ERC1: variants seen among roughly 807,000 people sequenced by gnomAD.
ERC1 encodes the protein ELKS/RAB6-interacting/CAST family member 1.
A neutral mutation model predicts 132.0 loss-of-function variants in ERC1; 56 were observed. That is an observed-to-expected ratio of 0.42 (90% CI 0.34 to 0.53). The LOEUF is 0.53. Among genes scored for constraint, ERC1 ranks in the 20% least tolerant of loss-of-function variants. The pLI is 0.03. For missense variants in ERC1, 1,202 were observed against 1,349.9 expected (o/e 0.89, Z 1.72); for synonymous variants, 478 against 476.1 (o/e 1.00, Z -0.05).
intron 2 of ERC1, among the ~76,000 whole-genome samples, chr12:1,047,434 A>T (rs1333901586): frequency 6.6e-6 from 1 of 151,034 alleles, no homozygotes; most frequent in Non-Finnish European, 1.5e-5. Flanking sequence ...CCGAAAGAAG[A>T]ATTACATTAC....
chr12:1,355,248 C>A (rs1441508907), intron 15 of ERC1, among the ~76,000 whole-genome samples: 2 of 152,066 alleles, frequency 1.3e-5, no homozygotes, highest in Admixed American at 6.6e-5. Flanking sequence ...CTTTGAATTT[C>A]ATATAATTTT....
chr12:1,126,774 G>A (rs146564020), intron 7 of ERC1, among the ~76,000 whole-genome samples: 8 of 152,064 alleles, frequency 5.3e-5, no homozygotes, highest in African/African-American at 1.2e-4. Context: ...CGGATCATGA[G>A]GTCAAGAGAT....
intron 6 of ERC1, among the ~76,000 whole-genome samples, chr12:1,114,084 C>T (rs1458505095): frequency 1.3e-5 from 2 of 151,804 alleles, no homozygotes; most frequent in African/African-American, 2.4e-5. Context: ...AGTGCAGTGG[C>T]GAGATCTCGG....
chr12:1,349,987 T>C (rs2084856035), intron 15 of ERC1, among the ~76,000 whole-genome samples: 1 of 152,208 alleles, frequency 6.6e-6, no homozygotes, highest in Non-Finnish European at 1.5e-5. Flanking sequence ...CTGTTCCTTA[T>C]TGAGGAGGGA....
intron 16 of ERC1, among the ~76,000 whole-genome samples, chr12:1,383,188 C>T (rs11061737): frequency 0.52 from 79,158 of 151,990 alleles, 23,825 homozygotes; most frequent in African/African-American, 0.84. Flanking sequence ...ATTGTCTCAA[C>T]GCAGATAAAT....
Position 1,289,838 on chromosome 12 carries a change from C to T in ERC1, c.2620-14C>T. On this transcript the variant is annotated splice_polypyrimidine_tract_variant and intron_variant, in intron 14 of 18. Transcript: ENST00000360905. ...CAAGACACTCTGTTGTTCTCTTTCC[C>T]ATATTTATGATAGGTGGAGGAGTTA... is the stretch of plus-strand genomic sequence containing the variant. 6.2e-7 allele frequency: 1 copy of T among 1,610,440 alleles called. No individual in the cohort carries two copies. The highest frequency in any genetic ancestry group is 8.5e-7 in the Non-Finnish European group (1 of 1,177,016).
intron 8 of ERC1, among the ~76,000 whole-genome samples, chr12:1,158,891 T>C (rs1298628172): frequency 6.6e-6 from 1 of 152,188 alleles, no homozygotes; most frequent in Admixed American, 6.5e-5. Context: ...TTAAAAACCA[T>C]TTCAGAGATA....
intron 13 of ERC1, among the ~76,000 whole-genome samples, chr12:1,257,928 CT>C (rs1274591379): frequency 6.6e-6 from 1 of 151,998 alleles, no homozygotes; most frequent in African/African-American, 2.4e-5. Context: ...GTTGTACCTC[CT>C]TTTTTTAAGA....
At chr12:1,424,602 G>A (rs1254480837) in intron 17 of ERC1, among the ~76,000 whole-genome samples, 1 of 152,146 alleles carries the variant, frequency 6.6e-6, no homozygotes, top group Non-Finnish European at 1.5e-5. Flanking sequence ...TAACCAGGAA[G>A]ACAGGAGAGA....
intron 13 of ERC1, among the ~76,000 whole-genome samples, chr12:1,250,152 T>C (rs1030989250): frequency 1.3e-5 from 2 of 152,230 alleles, no homozygotes; most frequent in Non-Finnish European, 2.9e-5. Flanking sequence ...TTCTCTGTTT[T>C]ACACAAGCTG....
chr12:1,130,108 G>A (rs1948613740), intron 7 of ERC1, among the ~76,000 whole-genome samples: 1 of 152,210 alleles, frequency 6.6e-6, no homozygotes, highest in African/African-American at 2.4e-5. Context: ...CCTGTCAAGA[G>A]CATAGGAATG....
intron 15 of ERC1, among the ~76,000 whole-genome samples, chr12:1,338,456 C>G (rs141155851): frequency 6.6e-5 from 10 of 152,114 alleles, no homozygotes; most frequent in African/African-American, 1.4e-4. Context: ...TGTGATTCTT[C>G]GCTTCCTTGA....
At chr12:1,429,234 A>G (rs1050902421) in intron 17 of ERC1, among the ~76,000 whole-genome samples, 32 of 152,344 alleles carry the variant, frequency 2.1e-4, no homozygotes, top group African/African-American at 7.2e-4. Context: ...CTGTGTCTTC[A>G]TGTGAATATG....
intron 18 of ERC1, among the ~76,000 whole-genome samples, chr12:1,483,768 C>T (rs2094140260): frequency 7.3e-6 from 1 of 136,192 alleles, no homozygotes; most frequent in East Asian, 2.4e-4. Flanking sequence ...CGCCTTACTG[C>T]AACCTCCGCC....
chr12:1,217,248 C>A (rs1363089167), intron 12 of ERC1, among the ~76,000 whole-genome samples: 1 of 152,172 alleles, frequency 6.6e-6, no homozygotes, highest in East Asian at 1.9e-4. Flanking sequence ...TATTTCTCAG[C>A]CACACCTTCA....
intron 2 of ERC1, among the ~76,000 whole-genome samples, chr12:1,056,435 T>TGGGTCCTGGAGAGGC (rs1349181626): frequency 6.6e-6 from 1 of 152,046 alleles, no homozygotes; most frequent in East Asian, 1.9e-4. Context: ...GCGACAGAGA[T>TGGGTCCTGGAGAGGC]GGGTCCTGGA....
chr12:1,351,288 C>T (rs1477439749), intron 15 of ERC1, among the ~76,000 whole-genome samples: 2 of 152,118 alleles, frequency 1.3e-5, no homozygotes, highest in Admixed American at 6.5e-5. Context: ...TAAAGTGTTG[C>T]CCATGTTTTT....
chr12:1,375,575 A>C (rs2087790490), intron 16 of ERC1, among the ~76,000 whole-genome samples: 1 of 152,120 alleles, frequency 6.6e-6, no homozygotes, highest in Non-Finnish European at 1.5e-5. Flanking sequence ...TACCTCACAG[A>C]GTTGGTGTGA....
At chr12:1,107,600 C>T (rs985565821) in intron 4 of ERC1, among the ~76,000 whole-genome samples, 16 of 152,006 alleles carry the variant, frequency 1.1e-4, no homozygotes, top group Non-Finnish European at 1.6e-4. Flanking sequence ...CAATTAAGGG[C>T]GTCAAAGAAT....
Sources: allele counts gnomAD v4.1 joint callset (sites outside exome capture counted in the v4.1 genomes callset), GRCh38; gene constraint gnomAD v4.1.1; transcripts MANE v1.5; gene names NCBI Gene and HGNC (gene_info 2026-07-23, HGNC 2026-07-21).